SUPT3H: variants seen among roughly 807,000 people sequenced by gnomAD.
SUPT3H encodes the protein SPT3 homolog, SAGA and STAGA complex component.
Under a neutral mutation model 44.3 loss-of-function variants are expected in SUPT3H, and 44 were observed. The observed-to-expected ratio is 0.99, with a 90% CI of 0.78 to 1.28. SUPT3H has a LOEUF of 1.28. SUPT3H is among the 50% of genes most tolerant of loss of function. The pLI, the probability that SUPT3H is intolerant of heterozygous loss-of-function variation, is 0.00. For synonymous variants in SUPT3H, 124 were observed against 125.6 expected, an observed-to-expected ratio of 0.99 and a Z score of 0.09; for missense variants, 380 against 387.1, an observed-to-expected ratio of 0.98 and a Z score of 0.15.
At chr6:45,029,469 A>C (rs561722323) in intron 3 of SUPT3H, among the ~76,000 whole-genome samples, 1 of 151,874 alleles carries the variant, frequency 6.6e-6, no homozygotes, top group African/African-American at 2.4e-5. Context: ...TCCAATAAAC[A>C]ATAACTATAT....
chr6:44,829,591 A>G lies in SUPT3H; in HGVS notation c.*225T>C. ...CTGCATTCTTGTCCACCTACAGACT[A>G]TCCTAAACATCCTGCCATTAATTAG... On this transcript the variant is annotated 3_prime_UTR_variant, in exon 11 of 11. Transcript: ENST00000371459. The G allele has an allele frequency of 1.9e-6, 1 of 526,874 alleles. No homozygotes were observed. Among genetic ancestry groups the G allele is most frequent in the South Asian group, 2.3e-5 (1 of 42,902 alleles). The allele number at this position is 526,874 out of a possible 1,614,324, so 32.6% of individuals were successfully genotyped here. A position where few individuals can be genotyped will look rare whatever the true frequency, so the allele number is the denominator to read the frequency against.
At chr6:44,937,891 GCTCA>G (rs1382688385) in intron 9 of SUPT3H, among the ~76,000 whole-genome samples, 23 of 128,754 alleles carry the variant, frequency 1.8e-4, no homozygotes, top group Admixed American at 1.3e-3. Context: ...CAGGTTCTTT[GCTCA>G]CTATCTTTTT....
At chr6:45,298,521 CTTTTT>C (rs1226029261) in intron 2 of SUPT3H, among the ~76,000 whole-genome samples, 1 of 144,328 alleles carries the variant, frequency 6.9e-6, no homozygotes, top group Non-Finnish European at 1.5e-5. Context: ...AATGTTATCT[CTTTTT>C]TTTTTTTTGA....
intron 2 of SUPT3H, among the ~76,000 whole-genome samples, chr6:45,184,304 T>G (rs1813793287): frequency 6.6e-6 from 1 of 152,124 alleles, no homozygotes; most frequent in Non-Finnish European, 1.5e-5. Flanking sequence ...TTATATATAT[T>G]TTACCACATT....
chr6:45,250,298 A>AT (rs1772125276), intron 2 of SUPT3H, among the ~76,000 whole-genome samples: 1 of 152,084 alleles, frequency 6.6e-6, no homozygotes, highest in South Asian at 2.1e-4. Flanking sequence ...AGAATCTTAC[A>AT]TCTATGAAAA....
chr6:44,971,040 C>A (rs1036790035), intron 6 of SUPT3H, among the ~76,000 whole-genome samples: 1 of 152,152 alleles, frequency 6.6e-6, no homozygotes, highest in African/African-American at 2.4e-5. Flanking sequence ...CAAGGATACA[C>A]AGAATTCTGT....
intron 2 of SUPT3H, among the ~76,000 whole-genome samples, chr6:45,315,856 T>C (rs923464509): frequency 9.2e-5 from 14 of 151,842 alleles, no homozygotes; most frequent in Admixed American, 7.9e-4. Context: ...CAATTCACAA[T>C]AGCAAAATCA....
chr6:44,860,218 G>C (rs2153425112), intron 10 of SUPT3H, among the ~76,000 whole-genome samples: 1 of 152,254 alleles, frequency 6.6e-6, no homozygotes, highest in East Asian at 1.9e-4. Context: ...GCAAATAAAT[G>C]AACTCATTTC....
chr6:45,141,963 CA>C (rs1171708470), intron 2 of SUPT3H, among the ~76,000 whole-genome samples: 1 of 152,066 alleles, frequency 6.6e-6, no homozygotes, highest in Non-Finnish European at 1.5e-5. Flanking sequence ...AAAGTCAAGA[CA>C]AAGGAAAGAA....
At chr6:44,907,063 T>A (rs1383635385) in intron 10 of SUPT3H, among the ~76,000 whole-genome samples, 1 of 152,184 alleles carries the variant, frequency 6.6e-6, no homozygotes, top group Non-Finnish European at 1.5e-5. Context: ...AAAAACCAAA[T>A]GACACTAGTT....
chr6:45,206,290 A>T (rs1177363455), intron 2 of SUPT3H, among the ~76,000 whole-genome samples: 2 of 152,180 alleles, frequency 1.3e-5, no homozygotes, highest in Admixed American at 1.3e-4. Flanking sequence ...GCAAGTAGAG[A>T]AGGGAAAGAC....
chr6:45,099,236 G>A lies in SUPT3H; in HGVS notation c.186+6686C>T, dbSNP rs369057326. Reference sequence around the variant, plus strand: ...TTCTCATGACCCTCAGAGGATGGGAGCTCATGCCAGAAAACATAGGAAACC... The same window carrying A: ...TTCTCATGACCCTCAGAGGATGGGAACTCATGCCAGAAAACATAGGAAACC... On this transcript the variant is annotated intron_variant, in intron 3 of 10. Coordinates refer to ENST00000371459, the MANE Select transcript of SUPT3H (RefSeq NM_003599.4). 10 of 198,278 alleles carry A rather than the reference G, an allele frequency of 5.0e-5. No individual in the cohort carries two copies. In the East Asian group the frequency reaches 1.7e-3, roughly 33 times the overall value. The allele number at this position is 198,278 out of a possible 1,614,324, so 12.3% of individuals were successfully genotyped here.
At chr6:44,836,143 T>C (rs1769830548) in intron 10 of SUPT3H, among the ~76,000 whole-genome samples, 1 of 152,204 alleles carries the variant, frequency 6.6e-6, no homozygotes, top group Non-Finnish European at 1.5e-5. Context: ...CTAAGACTCT[T>C]AAAATCAAAG....
intron 2 of SUPT3H, among the ~76,000 whole-genome samples, chr6:45,233,361 C>A (rs907910828): frequency 7.2e-5 from 11 of 152,160 alleles, no homozygotes; most frequent in East Asian, 1.9e-4. Context: ...TATGTGCTCA[C>A]GATGGTGCTC....
intron 2 of SUPT3H, among the ~76,000 whole-genome samples, chr6:45,212,019 A>G (rs985138206): frequency 2.0e-5 from 3 of 152,110 alleles, no homozygotes; most frequent in Admixed American, 6.5e-5. Context: ...GAAAAAGTTT[A>G]GCCAGGTGTG....
At chr6:45,216,963 G>A (rs1584312251) in intron 2 of SUPT3H, among the ~76,000 whole-genome samples, 1 of 152,252 alleles carries the variant, frequency 6.6e-6, no homozygotes, top group South Asian at 2.1e-4. Flanking sequence ...GTAGGGCATA[G>A]AATAGTAGTT....
intron 10 of SUPT3H, among the ~76,000 whole-genome samples, chr6:44,925,440 T>C (rs1769372106): frequency 6.6e-6 from 1 of 152,222 alleles, no homozygotes; most frequent in Admixed American, 6.5e-5. Flanking sequence ...CCTGATAACA[T>C]GCAAGTTCAG....
Position 44,879,334 on chromosome 6 carries a change from C to A in SUPT3H, c.913-49477G>T, listed in dbSNP as rs542621189. 5.9e-5 allele frequency among the ~76,000 whole-genome samples: 9 copies of A among 152,332 alleles called. No individual in the cohort carries two copies. The East Asian group carries it at 1.7e-3, about 29-fold the overall frequency. On this transcript the variant is annotated intron_variant, in intron 10 of 10. Coordinates refer to ENST00000371459, the MANE Select transcript of SUPT3H (RefSeq NM_003599.4). ...GGAACTTTGAACTGGGCAGAGCCCA[C>A]TGCAGCTTGGCTAAGCTGCTGTGGC...
At chr6:44,938,492 G>C (rs911776029) in intron 9 of SUPT3H, among the ~76,000 whole-genome samples, 11 of 152,228 alleles carry the variant, frequency 7.2e-5, no homozygotes, top group African/African-American at 2.6e-4. Flanking sequence ...AGTATAATCT[G>C]AAGTCAGGAA....
Sources: allele counts gnomAD v4.1 joint callset (sites outside exome capture counted in the v4.1 genomes callset), GRCh38; gene constraint gnomAD v4.1.1; transcripts MANE v1.5; gene names NCBI Gene and HGNC (gene_info 2026-07-23, HGNC 2026-07-21).